Variants in RXRA observed in about 807,000 individuals in gnomAD.
The protein encoded by RXRA is retinoic acid receptor RXR-alpha.
Under a neutral mutation model 44.5 loss-of-function variants are expected in RXRA, and 5 were observed. The observed-to-expected ratio is 0.11, with a 90% CI of 0.06 to 0.24. The LOEUF (loss-of-function observed/expected upper bound fraction) is 0.24. Among genes scored for constraint, RXRA ranks in the 10% least tolerant of loss-of-function variants. The pLI is 1.00. For missense variants in RXRA, 412 were observed against 646.5 expected, an observed-to-expected ratio of 0.64 and a Z score of 3.93; for synonymous variants, 291 against 271.4, an observed-to-expected ratio of 1.07 and a Z score of -0.71.
chr9:134,384,646 T>C (rs1432501825), intron 1 of RXRA, among the ~76,000 whole-genome samples: 1 of 152,034 alleles, frequency 6.6e-6, no homozygotes, highest in Non-Finnish European at 1.5e-5. Flanking sequence ...GGGCCAGAGC[T>C]GGAGGAAGAG....
At chr9:134,431,666 G>C (rs1268954118) in intron 7 of RXRA, among the ~76,000 whole-genome samples, 1 of 152,230 alleles carries the variant, frequency 6.6e-6, no homozygotes, top group Non-Finnish European at 1.5e-5. Context: ...AGACCCTAGA[G>C]GGAGAGGAGA....
chr9:134,363,994 G>A (rs945054099), intron 1 of RXRA, among the ~76,000 whole-genome samples: 25 of 152,234 alleles, frequency 1.6e-4, no homozygotes, highest in African/African-American at 5.5e-4. Context: ...GGTCCGTGCC[G>A]GGCTTCTCCT....
At chr9:134,423,853 G>A (rs1831388209) in intron 6 of RXRA, 1 of 985,338 alleles carries the variant, frequency 1.0e-6, no homozygotes, top group African/African-American at 1.7e-5. Flanking sequence ...CAAGGCTTTT[G>A]CTGAGAGAGG....
chr9:134,413,439 G>T lies in RXRA; in HGVS notation c.611-3719G>T, dbSNP rs532443434. 4.3e-4 allele frequency among the ~76,000 whole-genome samples: 65 copies of T among 152,318 alleles called. 1 individual carries two copies. Among genetic ancestry groups the T allele is most frequent in the Admixed American group, 3.3e-4 (5 of 15,298 alleles). On this transcript the variant is annotated intron_variant, in intron 4 of 9. Transcript: ENST00000481739. Reference sequence around the variant, plus strand: ...TTCTGATGCCTTGCTCTAGGTTGAAGCCCTGGAGGGAAGGTAAGTCACTCC... The same window carrying T: ...TTCTGATGCCTTGCTCTAGGTTGAATCCCTGGAGGGAAGGTAAGTCACTCC...
In RXRA at chr9:134,433,618, G is replaced by A. The variant is rs1438095282; in HGVS notation, c.1136-484G>A. Among the ~76,000 whole-genome samples, 1 of 150,812 alleles carries A rather than the reference G, an allele frequency of 6.6e-6. No individual in the cohort carries two copies. Among genetic ancestry groups the A allele is most frequent in the East Asian group, 1.9e-4 (1 of 5,182 alleles). On this transcript the variant is annotated intron_variant, in intron 8 of 9. Transcript: ENST00000481739. This position sits in a 1 kb window ranked among gnomAD's most constrained non-coding sequence, Gnocchi z 4.2. ...GTCCACTCTAGGCTCTTGAGCCCGG[G>A]TCCTGAGCTCAGGACTCCGCAAGCA... is the stretch of plus-strand genomic sequence containing the variant.
intron 1 of RXRA, among the ~76,000 whole-genome samples, chr9:134,367,098 C>T (rs916622150): frequency 1.3e-5 from 2 of 152,174 alleles, no homozygotes; most frequent in African/African-American, 4.8e-5. Context: ...GGTTTTCATC[C>T]ACACACTTGC....
At chr9:134,350,052 C>T (rs181173482) in intron 1 of RXRA, among the ~76,000 whole-genome samples, 78 of 151,318 alleles carry the variant, frequency 5.2e-4, no homozygotes, top group African/African-American at 1.8e-3. Flanking sequence ...AGAGCAGACC[C>T]GCCAGATGGC....
intron 1 of RXRA, among the ~76,000 whole-genome samples, chr9:134,359,353 A>G (rs955318306): frequency 1.3e-5 from 2 of 152,042 alleles, no homozygotes; most frequent in Non-Finnish European, 2.9e-5. Flanking sequence ...GGAGATAATT[A>G]TCTGGCAATA....
rs1831628360 is a variant in RXRA at position 134,436,701 on chromosome 9, C to T, written c.*87C>T. The T allele has an allele frequency of 1.1e-5, 16 of 1,502,284 alleles. No individual in the cohort carries two copies. The highest frequency in any genetic ancestry group is 1.4e-5 in the African/African-American group (1 of 72,588). 93.1% of individuals were successfully genotyped at this position (1,502,284 alleles called of 1,614,324 possible). A position where few individuals can be genotyped will look rare whatever the true frequency, so the allele number is the denominator to read the frequency against. On this transcript the variant is annotated 3_prime_UTR_variant, in exon 10 of 10. Coordinates refer to ENST00000481739, the MANE Select transcript of RXRA (RefSeq NM_002957.6). ...CTTCTCAGCCTGAGCCCTGTCCCTG[C>T]CCTTCTCTGCCTGGCCTGTTTGGAC...
intron 1 of RXRA, among the ~76,000 whole-genome samples, chr9:134,352,791 G>A (rs1236271346): frequency 6.6e-6 from 1 of 152,188 alleles, no homozygotes; most frequent in East Asian, 1.9e-4. Context: ...GTTGGGTCTC[G>A]CTTGAGGTTG....
chr9:134,379,955 CT>C (rs1331404433), intron 1 of RXRA: 1 of 985,174 alleles, frequency 1.0e-6, no homozygotes, highest in Non-Finnish European at 1.2e-6. Context: ...GCCTGCTCCC[CT>C]GGGGGTTGGT....
At chr9:134,336,435 T>C (rs1049064147) in intron 1 of RXRA, among the ~76,000 whole-genome samples, 4 of 152,218 alleles carry the variant, frequency 2.6e-5, no homozygotes, top group Admixed American at 2.6e-4. Context: ...ACATGGACTT[T>C]GTGACTTGGA....
intron 1 of RXRA, among the ~76,000 whole-genome samples, chr9:134,329,042 C>T (rs1834961028): frequency 6.6e-6 from 1 of 152,258 alleles, no homozygotes; most frequent in Non-Finnish European, 1.5e-5. Flanking sequence ...GAGAAGGCCC[C>T]CGCTGGCCTT....
chr9:134,430,510 T>A (rs1263078458), intron 7 of RXRA, among the ~76,000 whole-genome samples: 1 of 152,216 alleles, frequency 6.6e-6, no homozygotes, highest in Non-Finnish European at 1.5e-5. Context: ...GAACTTGACC[T>A]CCATGGGATG....
intron 1 of RXRA, chr9:134,379,259 G>A: frequency 2.0e-6 from 2 of 985,386 alleles, no homozygotes; most frequent in South Asian, 4.7e-5. Context: ...GGCGGGGCTC[G>A]GGCCTGCCCC....
At chr9:134,424,410 G>T (rs1398431285) in intron 6 of RXRA, 3 of 985,286 alleles carry the variant, frequency 3.0e-6, no homozygotes, top group Non-Finnish European at 3.6e-6. Flanking sequence ...CCTCCCCCTG[G>T]GCGCCCACTG....
rs139543079 is a variant in RXRA, at chr9:134,395,209, G to A, written c.29-6423G>A. 5.2e-3 allele frequency among the ~76,000 whole-genome samples: 793 copies of A among 152,374 alleles called. 5 individuals are homozygous for A. Among genetic ancestry groups the A allele is most frequent in the African/African-American group, 0.018 (753 of 41,594 alleles). ...CTCCGAACTCCCACATGTCCATGGG[G>A]CTGGCAGGACTGTGGCGTTGTGTCT... On this transcript the variant is annotated intron_variant, in intron 1 of 9. Transcript: ENST00000481739.
At chr9:134,328,265 G>C (rs1554746260) in intron 1 of RXRA, among the ~76,000 whole-genome samples, 1 of 152,216 alleles carries the variant, frequency 6.6e-6, no homozygotes, top group African/African-American at 2.4e-5. Flanking sequence ...GGCCTGGCTG[G>C]TTGCACTTCA....
At chr9:134,406,723 G>A (rs368561394) in intron 2 of RXRA, among the ~76,000 whole-genome samples, 33 of 152,352 alleles carry the variant, frequency 2.2e-4, no homozygotes, top group Middle Eastern at 3.4e-3. Flanking sequence ...CTTCTGCAGC[G>A]TGGGGGATCA....
Sources: gnomAD v4.1 joint callset for allele counts (sites outside exome capture counted in the v4.1 genomes callset) on GRCh38, gnomAD v4.1.1 for gene constraint, Gnocchi (gnomAD v3.1) non-coding constraint, MANE v1.5 for transcripts, NCBI Gene and HGNC (gene_info 2026-07-23, HGNC 2026-07-21) for gene names.